Variants in DNMBP observed in about 807,000 individuals in gnomAD.
DNMBP encodes dynamin binding protein, also known as dynamin-binding protein.
A neutral mutation model predicts 150.0 loss-of-function variants in DNMBP; 87 were observed. The observed-to-expected ratio is 0.58, with a 90% CI of 0.49 to 0.69. DNMBP has a LOEUF of 0.69. Among genes scored for constraint, DNMBP ranks in the 30% least tolerant of loss-of-function variants. The pLI, the probability that DNMBP is intolerant of heterozygous loss-of-function variation, is 0.00. For missense variants in DNMBP, 1,774 were observed against 1,949.0 expected, an observed-to-expected ratio of 0.91 and a Z score of 1.69; for synonymous variants, 711 against 750.4, an observed-to-expected ratio of 0.95 and a Z score of 0.86.
intron 4 of DNMBP, among the ~76,000 whole-genome samples, chr10:99,933,440 A>T (rs551496497): frequency 1.3e-5 from 2 of 152,382 alleles, no homozygotes; most frequent in East Asian, 3.9e-4. Context: ...ATAGCAATCC[A>T]TCAGGTAATA....
At chr10:99,974,381 G>C (rs1049840692) in intron 1 of DNMBP, among the ~76,000 whole-genome samples, 18 of 152,210 alleles carry the variant, frequency 1.2e-4, no homozygotes, top group Non-Finnish European at 1.0e-4. Context: ...CAGAAAGAGA[G>C]GACATAAGTA....
At position 99,880,314 on chromosome 10, in the gene DNMBP, G is replaced by C. The variant is rs372427020; in HGVS notation, c.4045C>G (p.Arg1349Gly). The C allele has an allele frequency of 7.4e-6, 12 of 1,611,404 alleles. No homozygotes were observed. The African/African-American group carries it at 1.6e-4, about 22-fold the overall frequency. ...ACGGAGGCATCGGAGTGGCTGCGGCGAGGATTGTAGGGCTTTAGGAAAGAG... is the reference window on the plus strand; with the variant it reads ...ACGGAGGCATCGGAGTGGCTGCGGCCAGGATTGTAGGGCTTTAGGAAAGAG... ...YSSFLKPYNP[R>G]RSHSDASVGS... Residue 1349 changes from arginine to glycine, a missense_variant, in exon 16 of 17, where the codon CGC (arginine) becomes GGC (glycine). By Grantham distance (125) the Arg-to-Gly change is moderately radical (BLOSUM62 -2). Transcript: ENST00000324109.
chr10:99,938,938 C>T (rs1166939354), intron 4 of DNMBP, among the ~76,000 whole-genome samples: 13 of 152,176 alleles, frequency 8.5e-5, no homozygotes. Flanking sequence ...TGAAGCACCA[C>T]CTCACCGTGA....
intron 6 of DNMBP, 91 bp downstream of exon 6, chr10:99,907,904 G>C (rs1257765792): frequency 2.3e-6 from 2 of 868,042 alleles, no homozygotes; most frequent in Non-Finnish European, 3.8e-6. Flanking sequence ...TCTTCCCGGA[G>C]GCATAGTTAC....
intron 1 of DNMBP, among the ~76,000 whole-genome samples, chr10:100,007,347 C>T (rs953389217): frequency 6.6e-6 from 1 of 152,128 alleles, no homozygotes; most frequent in Non-Finnish European, 1.5e-5. Flanking sequence ...AAACTGGTTC[C>T]CCCTCCCAGC....
At chr10:99,917,448 C>G (rs1262010615) in intron 4 of DNMBP, among the ~76,000 whole-genome samples, 1 of 152,092 alleles carries the variant, frequency 6.6e-6, no homozygotes, top group Non-Finnish European at 1.5e-5. Context: ...GTGACAGAAA[C>G]CGAGTTTTTC....
chr10:99,958,231 C>G (rs2040522193), intron 3 of DNMBP: 1 of 152,220 alleles, frequency 6.6e-6, no homozygotes, highest in Non-Finnish European at 1.5e-5. Context: ...TTCTTCACAA[C>G]CATGTACTCA....
chr10:99,891,848 G>A (rs1270154100), intron 11 of DNMBP, among the ~76,000 whole-genome samples: 4 of 151,002 alleles, frequency 2.6e-5, no homozygotes, highest in African/African-American at 7.3e-5. Context: ...TGTGAGGAGC[G>A]CCTCTGCCCG....
At position 99,972,114 on chromosome 10, in the gene DNMBP, C is replaced by A. The variant is rs1233847870; in HGVS notation, c.11G>T (p.Gly4Val). 1 of 1,611,410 alleles carries A rather than the reference C, an allele frequency of 6.2e-7. No individual in the cohort carries two copies. The highest frequency in any genetic ancestry group is 1.3e-5 in the African/African-American group (1 of 74,672). Reference protein sequence around the residue: MEAGSVVRAIFDFC... With the variant: MEAVSVVRAIFDFC... ...GTCAAAAATGGCTCGAACCACTGAG[C>A]CAGCCTCCATGTTTTATAACCTGGA... Residue 4 changes from glycine to valine, a missense_variant, in exon 2 of 17, where the codon GGC becomes GTC. Gly to Val is a moderately radical substitution (Grantham distance 109, BLOSUM62 -3). This residue lies in a region of DNMBP where 344 missense variants were observed against 456.6 expected (regional missense o/e 0.75). Transcript: ENST00000324109.
chr10:99,904,892 ACT>A (rs1332730478), intron 6 of DNMBP, among the ~76,000 whole-genome samples: 4 of 151,942 alleles, frequency 2.6e-5, no homozygotes, highest in Non-Finnish European at 5.9e-5. Context: ...AGATGCTAAG[ACT>A]CTCATTTCTG....
chr10:99,949,909 C>T (rs1484875485), intron 4 of DNMBP, among the ~76,000 whole-genome samples: 1 of 152,168 alleles, frequency 6.6e-6, no homozygotes, highest in Admixed American at 6.5e-5. Context: ...GAAGACATAA[C>T]ATTTTCCATG....
At chr10:99,992,665 TA>T (rs1365431061) in intron 1 of DNMBP, among the ~76,000 whole-genome samples, 9 of 151,546 alleles carry the variant, frequency 5.9e-5, no homozygotes, top group Non-Finnish European at 1.3e-4. Context: ...TAGCTGGGAC[TA>T]TAGGCGCCCG....
intron 4 of DNMBP, among the ~76,000 whole-genome samples, chr10:99,910,473 G>A (rs973633061): frequency 3.3e-5 from 5 of 152,236 alleles, no homozygotes; most frequent in Admixed American, 2.6e-4. Context: ...CCAGGAGGCA[G>A]AGGTTGCAGC....
In DNMBP at chr10:99,956,653, G is replaced by T. The variant is rs776610175; in HGVS notation, c.821C>A (p.Ala274Glu). 4.3e-6 allele frequency: 7 copies of T among 1,613,712 alleles called. No individual in the cohort carries two copies. The highest frequency in any genetic ancestry group is 4.5e-5 in the East Asian group (2 of 44,852). Residue 274 changes from alanine to glutamate, a missense_variant, in exon 4 of 17, where the codon GCG (alanine) becomes GAG (glutamate). This residue lies in a region of DNMBP where 344 missense variants were observed against 456.6 expected (regional missense o/e 0.75). Coordinates refer to ENST00000324109, the MANE Select transcript of DNMBP (RefSeq NM_015221.4). The stretch of plus-strand genomic sequence containing the variant: ...TTCCAGCCAGCCATCTTCCAAGGTC[G>T]CCAGAATTCGGATTTTATCCCCGAC... ...FEVGDKIRIL[A>E]TLEDGWLEGS...
Position 99,894,998 on chromosome 10 carries a change from C to T in DNMBP, c.3104G>A (p.Arg1035Lys), listed in dbSNP as rs2039630417. ...ETEKNFRMQE[R>K]LIKSFIRDLS... Reference sequence around the variant, plus strand: ...GTCTCGGATAAAAGACTTAATCAATCTTTCTTGCATTCGGAAGTTTTTTTC... The same window carrying T: ...GTCTCGGATAAAAGACTTAATCAATTTTTCTTGCATTCGGAAGTTTTTTTC... Residue 1035 changes from arginine to lysine, a missense_variant, in exon 11 of 17, where the codon AGA becomes AAA. By Grantham distance (26) the Arg-to-Lys change is conservative. This residue lies in a region of DNMBP where 1,430 missense variants were observed against 1,492.5 expected (regional missense o/e 0.96). Transcript: ENST00000324109. The T allele has an allele frequency of 1.9e-6, 3 of 1,613,770 alleles. No individual in the cohort carries two copies. The highest frequency in any genetic ancestry group is 2.5e-6 in the Non-Finnish European group (3 of 1,179,960).
intron 4 of DNMBP, among the ~76,000 whole-genome samples, chr10:99,945,887 T>C (rs1344301754): frequency 1.3e-5 from 2 of 152,224 alleles, no homozygotes; most frequent in African/African-American, 4.8e-5. Flanking sequence ...AAAAAATGTT[T>C]TCAACATTAA....
intron 1 of DNMBP, among the ~76,000 whole-genome samples, chr10:99,994,629 TG>T (rs1286197236): frequency 6.6e-6 from 1 of 152,192 alleles, no homozygotes; most frequent in Non-Finnish European, 1.5e-5. Flanking sequence ...CACAAGGATT[TG>T]GCAGAAGTTT....
intron 4 of DNMBP, among the ~76,000 whole-genome samples, chr10:99,946,458 G>T (rs189788957): frequency 6.6e-6 from 1 of 152,292 alleles, no homozygotes; most frequent in East Asian, 1.9e-4. Context: ...AAATAGAGCT[G>T]CACACCTACA....
chr10:99,940,843 A>G (rs1365687521), intron 4 of DNMBP, among the ~76,000 whole-genome samples: 1 of 151,986 alleles, frequency 6.6e-6, no homozygotes, highest in Non-Finnish European at 1.5e-5. Flanking sequence ...CATTTTGGAG[A>G]CTTCACCTTA....
Sources: gnomAD v4.1 joint callset for allele counts (sites outside exome capture counted in the v4.1 genomes callset) on GRCh38, gnomAD v4.1.1 for gene constraint, gnomAD v4.1.1 regional missense constraint, MANE v1.5 for transcripts, NCBI Gene and HGNC (gene_info 2026-07-23, HGNC 2026-07-21) for gene names.